SGCZ: variants seen among roughly 807,000 people sequenced by gnomAD.
SGCZ encodes the protein sarcoglycan zeta.
Under a neutral mutation model 41.3 loss-of-function variants are expected in SGCZ, and 40 were observed. That is an observed-to-expected ratio of 0.97 (90% CI 0.75 to 1.26). SGCZ has a LOEUF of 1.26. Ranked by LOEUF, SGCZ falls within the 50% of genes most tolerant of loss-of-function variation. SGCZ has a pLI of 0.00. For missense variants in SGCZ, 552 were observed against 369.8 expected (o/e 1.49, Z -4.04); for synonymous variants, 206 against 137.5 (o/e 1.50, Z -3.49).
intron 1 of SGCZ, among the ~76,000 whole-genome samples, chr8:14,591,059 G>T (rs747965178): frequency 6.6e-6 from 1 of 150,826 alleles, no homozygotes; most frequent in Non-Finnish European, 1.5e-5. Flanking sequence ...CTTGCTCAAT[G>T]TTGTGAAATA....
chr8:14,507,939 T>C (rs1437954950), intron 2 of SGCZ, among the ~76,000 whole-genome samples: 3 of 151,990 alleles, frequency 2.0e-5, no homozygotes, highest in African/African-American at 7.2e-5. Context: ...ACCTGGCTAA[T>C]TTTGTATTTT....
At chr8:14,832,482 T>C (rs1185739677) in intron 1 of SGCZ, among the ~76,000 whole-genome samples, 5 of 151,330 alleles carry the variant, frequency 3.3e-5, no homozygotes, top group African/African-American at 1.2e-4. Context: ...CCACCGTATC[T>C]AAGAGATGGG....
At chr8:15,163,465 A>C (rs1799572105) in intron 1 of SGCZ, among the ~76,000 whole-genome samples, 1 of 152,034 alleles carries the variant, frequency 6.6e-6, no homozygotes, top group Non-Finnish European at 1.5e-5. Context: ...AAACGACTTC[A>C]CTCATTTCCC....
chr8:14,598,481 C>T (rs1324009355), intron 1 of SGCZ, among the ~76,000 whole-genome samples: 2 of 103,742 alleles, frequency 1.9e-5, no homozygotes, highest in Non-Finnish European at 5.0e-5. Flanking sequence ...GTTTTATCAT[C>T]TCTCTCTCTC....
At chr8:14,998,355 G>A (rs1316681604) in intron 1 of SGCZ, among the ~76,000 whole-genome samples, 1 of 152,142 alleles carries the variant, frequency 6.6e-6, no homozygotes, top group Non-Finnish European at 1.5e-5. Flanking sequence ...ATACAGTTCT[G>A]GGTTGTAGCT....
chr8:15,228,209 T>C (rs550852843), intron 1 of SGCZ, among the ~76,000 whole-genome samples: 7 of 152,352 alleles, frequency 4.6e-5, no homozygotes, highest in African/African-American at 1.4e-4. Flanking sequence ...TGTATTGTAA[T>C]TGGACTCAGA....
intron 3 of SGCZ, among the ~76,000 whole-genome samples, chr8:14,281,485 G>A (rs1800436881): frequency 6.6e-6 from 1 of 151,932 alleles, no homozygotes; most frequent in South Asian, 2.1e-4. Flanking sequence ...TTGAGAATCA[G>A]ATGAAAAGTA....
At chr8:14,786,117 T>C (rs1044225675) in intron 1 of SGCZ, among the ~76,000 whole-genome samples, 11 of 148,404 alleles carry the variant, frequency 7.4e-5, no homozygotes, top group Non-Finnish European at 1.5e-4. Flanking sequence ...TTTTAACTTC[T>C]CAAATTTTTC....
intron 1 of SGCZ, among the ~76,000 whole-genome samples, chr8:14,711,693 T>A (rs1490203036): frequency 6.6e-6 from 1 of 151,966 alleles, no homozygotes; most frequent in East Asian, 1.9e-4. Flanking sequence ...AAGTCATATT[T>A]ACCATGTAGC....
At position 14,849,735 on chromosome 8, in the gene SGCZ, G is replaced by A. The variant is rs535048236; in HGVS notation, c.40-294809C>T. 2.6e-5 allele frequency among the ~76,000 whole-genome samples: 4 copies of A among 152,130 alleles called. No homozygotes were observed. In the East Asian group the frequency reaches 7.7e-4, roughly 29 times the overall value. On this transcript the variant is annotated intron_variant, in intron 1 of 7. Transcript: ENST00000382080. ...TATCTTACAGTGGTGTCTATTTAAT[G>A]AATGTATACTTATGTCAAAAAGTAT...
rs556443228 is a variant in SGCZ at position 14,616,142 on chromosome 8, G to T, written c.40-61216C>A. Reference sequence around the variant, plus strand: ...ACTAAAAAATACAAAATTTAGCCGGGCGTGGGAGCGGGCGCCTCTAGTCCC... The same window carrying T: ...ACTAAAAAATACAAAATTTAGCCGGTCGTGGGAGCGGGCGCCTCTAGTCCC... On this transcript the variant is annotated intron_variant, in intron 1 of 7. Transcript: ENST00000382080. 3.9e-5 allele frequency among the ~76,000 whole-genome samples: 6 copies of T among 152,152 alleles called. No individual in the cohort carries two copies. The East Asian group carries it at 9.7e-4, about 25-fold the overall frequency.
rs189720987 is a variant in SGCZ, at chr8:14,119,091, C to A, written c.548-10856G>T. Among the ~76,000 whole-genome samples, 649 of 152,086 alleles carry A rather than the reference C, an allele frequency of 4.3e-3. 4 individuals are homozygous for A. The highest frequency in any genetic ancestry group is 7.0e-3 in the Non-Finnish European group (478 of 67,966). On this transcript the variant is annotated intron_variant, in intron 5 of 7. Coordinates refer to ENST00000382080, the MANE Select transcript of SGCZ (RefSeq NM_139167.4). ...AAATTTACAGTTGTTTTTTCTAATT[C>A]TGTGAAGAAAGTCATTGGTACCTTG...
intron 2 of SGCZ, among the ~76,000 whole-genome samples, chr8:14,421,959 G>C (rs967986474): frequency 4.6e-5 from 7 of 152,086 alleles, no homozygotes; most frequent in Non-Finnish European, 8.8e-5. Flanking sequence ...GAAAATGTTA[G>C]TCATGCTTTA....
intron 1 of SGCZ, among the ~76,000 whole-genome samples, chr8:14,643,541 TC>T (rs1807095886): frequency 6.7e-6 from 1 of 148,646 alleles, no homozygotes; most frequent in Non-Finnish European, 1.5e-5. Flanking sequence ...TGAATATTTT[TC>T]AAAAAAAAAA....
At chr8:14,141,709 C>T (rs778377841) in intron 5 of SGCZ, among the ~76,000 whole-genome samples, 1 of 152,228 alleles carries the variant, frequency 6.6e-6, no homozygotes. Context: ...CACTTTTCCA[C>T]TGTTGATGGG....
intron 1 of SGCZ, among the ~76,000 whole-genome samples, chr8:14,961,596 C>G (rs6530816): frequency 2.2e-4 from 33 of 151,984 alleles, no homozygotes; most frequent in African/African-American, 8.0e-4. Flanking sequence ...AACTTTATCA[C>G]ATAGTATATG....
At position 14,615,235 on chromosome 8, in the gene SGCZ, G is replaced by T. The variant is rs570244012; in HGVS notation, c.40-60309C>A. ...ACTTTGAATTCCTACATAACAAACT[G>T]CAATCTAACATAGTTTAGTTCAAAC... On this transcript the variant is annotated intron_variant, in intron 1 of 7. Coordinates refer to ENST00000382080, the MANE Select transcript of SGCZ (RefSeq NM_139167.4). 2.6e-5 allele frequency among the ~76,000 whole-genome samples: 4 copies of T among 152,264 alleles called. No individual in the cohort carries two copies. The East Asian group carries it at 5.8e-4, about 22-fold the overall frequency.
chr8:15,125,503 T>A (rs553869728), intron 1 of SGCZ, among the ~76,000 whole-genome samples: 8 of 152,330 alleles, frequency 5.3e-5, no homozygotes, highest in African/African-American at 1.9e-4. Context: ...AGAAATATTC[T>A]CTTCTTTATG....
chr8:14,457,961 C>A (rs1313486600), intron 2 of SGCZ, among the ~76,000 whole-genome samples: 1 of 152,236 alleles, frequency 6.6e-6, no homozygotes, highest in Non-Finnish European at 1.5e-5. Context: ...TCTACACTCT[C>A]TCGTCACCAC....
Sources: gnomAD v4.1 joint callset for allele counts (sites outside exome capture counted in the v4.1 genomes callset) on GRCh38, gnomAD v4.1.1 for gene constraint, MANE v1.5 for transcripts, NCBI Gene and HGNC (gene_info 2026-07-23, HGNC 2026-07-21) for gene names.